The following DAB1 variants were observed in gnomAD, a reference collection of about 807,000 sequenced individuals.
The protein encoded by DAB1 is disabled homolog 1.
Under a neutral mutation model 64.6 loss-of-function variants are expected in DAB1, and 15 were observed. The observed-to-expected ratio is 0.23, with a 90% CI of 0.16 to 0.36. The LOEUF (loss-of-function observed/expected upper bound fraction) is 0.36, where lower values mean the gene tolerates loss of function less well. DAB1 is among the 10% of genes least tolerant of loss of function. The pLI, the probability that DAB1 is intolerant of heterozygous loss-of-function variation, is 1.00. For missense variants in DAB1, 596 were observed against 706.7 expected (o/e 0.84, Z 1.78); for synonymous variants, 235 against 251.9 (o/e 0.93, Z 0.64).
intron 3 of DAB1, among the ~76,000 whole-genome samples, chr1:58,497,035 A>G (rs1459008939): frequency 6.6e-6 from 1 of 152,202 alleles, no homozygotes; most frequent in Non-Finnish European, 1.5e-5. Flanking sequence ...AGGTATTAAG[A>G]GACTTCCAAT....
At chr1:57,010,659 A>T (rs200983396) in intron 14 of DAB1, 21 bp downstream of exon 14, 423 of 1,354,964 alleles carry the variant, frequency 3.1e-4, no homozygotes, top group Non-Finnish European at 3.9e-4. Flanking sequence ...GGTAAAGGAG[A>T]TAAAAAGGAC....
At chr1:58,123,780 TA>T (rs930925085) in intron 5 of DAB1, among the ~76,000 whole-genome samples, 1 of 152,136 alleles carries the variant, frequency 6.6e-6, no homozygotes, top group African/African-American at 2.4e-5. Context: ...TGTTCGTAAA[TA>T]AAGTCTTATT....
chr1:57,525,830 G>A (rs1644585711), intron 7 of DAB1, among the ~76,000 whole-genome samples: 1 of 151,956 alleles, frequency 6.6e-6, no homozygotes, highest in African/African-American at 2.4e-5. Flanking sequence ...AAAGCTGGGG[G>A]AACAAATGGG....
chr1:57,226,672 A>ATAT lies in DAB1; in HGVS notation c.67+64291_67+64292insATA, dbSNP rs1553158266. Among the ~76,000 whole-genome samples, 593 of 135,986 alleles carry ATAT rather than the reference A, an allele frequency of 4.4e-3. 7 individuals carry two copies. The highest frequency in any genetic ancestry group is 0.016 in the African/African-American group (522 of 32,392). The allele number at this position is 135,986 out of a possible 152,430, so 89.2% of individuals were successfully genotyped here. A position where few individuals can be genotyped will look rare whatever the true frequency, so the allele number is the denominator to read the frequency against. On this transcript the variant is annotated intron_variant, in intron 2 of 14. Coordinates refer to ENST00000371236, the MANE Select transcript of DAB1 (RefSeq NM_001365792.1). ...GTCACTCAAAAGTGGTTAAAAAAAAAATATATATATATATATATATATATA... is the reference window on the plus strand; with the variant it reads ...GTCACTCAAAAGTGGTTAAAAAAAAATATATATATATATATATATATATATATA...
At chr1:57,116,461 C>CAAAAAAAAAAAAAA (rs61590002) in intron 4 of DAB1, among the ~76,000 whole-genome samples, 7 of 71,980 alleles carry the variant, frequency 9.7e-5, no homozygotes, top group African/African-American at 2.8e-4. Flanking sequence ...GACTCTGTCT[C>CAAAAAAAAAAAAAA]AAAAAAAAAA....
At chr1:57,596,087 G>T (rs1167358004) in intron 7 of DAB1, among the ~76,000 whole-genome samples, 3 of 152,104 alleles carry the variant, frequency 2.0e-5, no homozygotes, top group African/African-American at 7.2e-5. Context: ...TCCTTTAACA[G>T]GTTCTTGTTC....
At chr1:58,042,689 C>T (rs889930559) in intron 5 of DAB1, among the ~76,000 whole-genome samples, 10 of 152,128 alleles carry the variant, frequency 6.6e-5, no homozygotes, top group African/African-American at 2.4e-5. Flanking sequence ...AAAGACTATT[C>T]GCATGGAAGC....
intron 4 of DAB1, among the ~76,000 whole-genome samples, chr1:58,221,493 A>G (rs1359104249): frequency 6.6e-6 from 1 of 152,172 alleles, no homozygotes; most frequent in Non-Finnish European, 1.5e-5. Flanking sequence ...ATTTCATCAC[A>G]CTGCCATAGC....
At chr1:58,047,370 T>C (rs116375048) in intron 5 of DAB1, among the ~76,000 whole-genome samples, 2,107 of 152,316 alleles carry the variant, frequency 0.014, 24 homozygotes, top group Non-Finnish European at 0.02. Context: ...AGGTGCCCAA[T>C]AGCCACGTGT....
At chr1:57,064,398 T>C (rs1570623158) in intron 8 of DAB1, among the ~76,000 whole-genome samples, 1 of 152,196 alleles carries the variant, frequency 6.6e-6, no homozygotes, top group African/African-American at 2.4e-5. Flanking sequence ...TAACATGGAC[T>C]GGGTGCTTCC....
chr1:57,999,325 A>G (rs1646473106), intron 5 of DAB1, among the ~76,000 whole-genome samples: 1 of 152,206 alleles, frequency 6.6e-6, no homozygotes, highest in South Asian at 2.1e-4. Context: ...GTCCTGGACC[A>G]GCAGCATCAG....
intron 4 of DAB1, among the ~76,000 whole-genome samples, chr1:58,294,900 G>GTGTT (rs1199909319): frequency 1.3e-5 from 2 of 150,276 alleles, no homozygotes; most frequent in Non-Finnish European, 2.9e-5. Context: ...GTGTGTGTGT[G>GTGTT]TGTTTGCAAG....
intron 7 of DAB1, among the ~76,000 whole-genome samples, chr1:57,454,618 C>A (rs192539057): frequency 1.3e-5 from 2 of 152,120 alleles, no homozygotes; most frequent in East Asian, 3.9e-4. Context: ...ACGAGTTTAC[C>A]TATTTAACAA....
intron 1 of DAB1, chr1:57,862,573 C>T (rs1408892853): frequency 6.6e-6 from 1 of 152,110 alleles, no homozygotes; most frequent in Admixed American, 6.6e-5. Context: ...GAACTTCTTT[C>T]TGGATTATAC....
At chr1:58,408,837 C>T (rs1190083130) in intron 3 of DAB1, among the ~76,000 whole-genome samples, 2 of 152,168 alleles carry the variant, frequency 1.3e-5, no homozygotes, top group Non-Finnish European at 2.9e-5. Flanking sequence ...CGACTTTATG[C>T]AGAGGTGATG....
intron 5 of DAB1, among the ~76,000 whole-genome samples, chr1:58,117,040 T>A (rs906697511): frequency 2.0e-5 from 3 of 152,190 alleles, no homozygotes; most frequent in African/African-American, 7.2e-5. Flanking sequence ...GCATACTCAT[T>A]TGCTCCTCAA....
intron 3 of DAB1, among the ~76,000 whole-genome samples, chr1:58,505,559 T>TCA (rs1013583342): frequency 1.3e-5 from 2 of 152,070 alleles, no homozygotes; most frequent in African/African-American, 4.8e-5. Context: ...AGCAAATGCT[T>TCA]CACTCTTATC....
At chr1:57,839,511 T>C (rs576108378) in intron 1 of DAB1, among the ~76,000 whole-genome samples, 1 of 152,376 alleles carries the variant, frequency 6.6e-6, no homozygotes, top group East Asian at 1.9e-4. Context: ...TAAAAAACAT[T>C]TATTATTTGC....
chr1:57,539,533 A>T (rs1006257267), intron 7 of DAB1, among the ~76,000 whole-genome samples: 1 of 152,212 alleles, frequency 6.6e-6, no homozygotes, highest in African/African-American at 2.4e-5. Flanking sequence ...TATCTAAAAA[A>T]TTACCTTTCT....
Sources: gnomAD v4.1 joint callset for allele counts (sites outside exome capture counted in the v4.1 genomes callset) on GRCh38, gnomAD v4.1.1 for gene constraint, MANE v1.5 for transcripts, NCBI Gene and HGNC (gene_info 2026-07-23, HGNC 2026-07-21) for gene names.